Variants in HSF5 observed in about 807,000 individuals in gnomAD.
The protein encoded by HSF5 is heat shock transcription factor 5.
In HSF5, 5 loss-of-function variants were observed where a neutral mutation model predicts 50.8. The observed-to-expected ratio is 0.10, with a 90% CI of 0.05 to 0.21. The LOEUF (loss-of-function observed/expected upper bound fraction) is 0.21, where lower values mean the gene tolerates loss of function less well. Among genes scored for constraint, HSF5 ranks in the 10% least tolerant of loss-of-function variants. The pLI, the probability that HSF5 is intolerant of heterozygous loss-of-function variation, is 1.00. For synonymous variants in HSF5, 307 were observed against 307.4 expected (o/e 1.00, Z 0.02); for missense variants, 564 against 762.6 (o/e 0.74, Z 3.07).
At position 58,444,030 on chromosome 17, in the gene HSF5, G is replaced by C. The variant is rs367546151; in HGVS notation, c.1720+14738C>G. Among the ~76,000 whole-genome samples, 112 of 152,154 alleles carry C rather than the reference G, an allele frequency of 7.4e-4. No individual in the cohort carries two copies. In the South Asian group the frequency reaches 9.8e-3, roughly 13 times the overall value. On this transcript the variant is annotated intron_variant, in intron 5 of 5. Coordinates refer to ENST00000323777, the MANE Select transcript of HSF5 (RefSeq NM_001080439.3). ...AAATAGGAATAAATCTAACGAATGA[G>C]GCAAAAGACTTTTACACTGAAAATT...
At position 58,487,970 on chromosome 17, in the gene HSF5, G is replaced by A. The variant is rs775407235; in HGVS notation, c.305C>T (p.Pro102Leu). ...GTGATGGAGCGGCCCATTGCCTGCC[G>A]GTTTGCCGCCCCCCGGCCCGCCCAG... ...VVLGGPGGGK[P>L]AGNGPLHHFH... Residue 102 changes from proline (P) to leucine (L), a missense_variant, in exon 1 of 6, where the codon CCG becomes CTG. By Grantham distance (98) the Pro-to-Leu change is moderately conservative (BLOSUM62 -3). Transcript: ENST00000323777. 131 of 1,611,126 alleles carry A rather than the reference G, an allele frequency of 8.1e-5. No individual in the cohort carries two copies. In the Admixed American group the frequency reaches 1.9e-3, roughly 24 times the overall value.
rs569668055 is a variant in HSF5 at position 58,471,151 on chromosome 17, T to C, written c.926-4172A>G. On this transcript the variant is annotated intron_variant, in intron 2 of 5. Coordinates refer to ENST00000323777, the MANE Select transcript of HSF5 (RefSeq NM_001080439.3). Reference sequence around the variant, plus strand: ...TTCTGGAGATAGACAGTGGTGATGGTGAATGTACTTAATGTTGCAAAACAG... The same window carrying C: ...TTCTGGAGATAGACAGTGGTGATGGCGAATGTACTTAATGTTGCAAAACAG... Among the ~76,000 whole-genome samples, 13 of 152,262 alleles carry C rather than the reference T, an allele frequency of 8.5e-5. No individual in the cohort carries two copies. In the South Asian group the frequency reaches 2.7e-3, roughly 32 times the overall value.
At chr17:58,442,826 C>T (rs1333009793) in intron 5 of HSF5, among the ~76,000 whole-genome samples, 2 of 152,078 alleles carry the variant, frequency 1.3e-5, no homozygotes, top group African/African-American at 4.8e-5. Flanking sequence ...CAACCTCCAC[C>T]TCCCAGATTC....
rs570385469 is a variant in HSF5 at position 58,441,804 on chromosome 17, T to C, written c.1720+16964A>G. Among the ~76,000 whole-genome samples, 5 of 152,298 alleles carry C rather than the reference T, an allele frequency of 3.3e-5. No individual in the cohort carries two copies. The East Asian group carries it at 5.8e-4, about 18-fold the overall frequency. On this transcript the variant is annotated intron_variant, in intron 5 of 5. Transcript: ENST00000323777. ...TTTATCCTACTGTCAAGGCAGAAAA[T>C]CTTTGCAGTTTCCATCCAGCAGGAT...
intron 5 of HSF5, among the ~76,000 whole-genome samples, chr17:58,435,975 T>G (rs569771914): frequency 6.6e-6 from 1 of 151,950 alleles, no homozygotes; most frequent in East Asian, 1.9e-4. Context: ...GACTACTTAC[T>G]ATGTAACCCA....
chr17:58,446,656 G>A (rs1187623751), intron 5 of HSF5, among the ~76,000 whole-genome samples: 4 of 152,142 alleles, frequency 2.6e-5, no homozygotes, highest in African/African-American at 4.8e-5. Flanking sequence ...ATAAATTTCC[G>A]TGGCAGGCAG....
At chr17:58,446,472 C>T (rs897377862) in intron 5 of HSF5, among the ~76,000 whole-genome samples, 2 of 152,164 alleles carry the variant, frequency 1.3e-5, no homozygotes, top group Non-Finnish European at 2.9e-5. Flanking sequence ...CTGGTGCCAT[C>T]GCAGCAAAAT....
intron 4 of HSF5, among the ~76,000 whole-genome samples, chr17:58,462,493 G>A (rs966872984): frequency 2.6e-5 from 4 of 152,144 alleles, no homozygotes; most frequent in African/African-American, 7.2e-5. Flanking sequence ...AAACTCAAGA[G>A]ATGTTTATAA....
chr17:58,478,268 C>T (rs1377551588), intron 2 of HSF5, among the ~76,000 whole-genome samples: 1 of 101,352 alleles, frequency 9.9e-6, no homozygotes, highest in East Asian at 3.1e-4. Flanking sequence ...CCTGTCTCTA[C>T]TAAAATAAAT....
intron 5 of HSF5, among the ~76,000 whole-genome samples, chr17:58,444,799 A>G (rs936268561): frequency 3.9e-5 from 6 of 152,242 alleles, no homozygotes; most frequent in African/African-American, 1.4e-4. Context: ...AAGGCAACTC[A>G]CAGAATGGGA....
chr17:58,435,358 G>A (rs568670406), intron 5 of HSF5, among the ~76,000 whole-genome samples: 15 of 151,404 alleles, frequency 9.9e-5, no homozygotes, highest in Admixed American at 2.0e-4. Context: ...AGACCAACCT[G>A]GCCAACATGG....
intron 3 of HSF5, among the ~76,000 whole-genome samples, chr17:58,465,886 C>T (rs1016218947): frequency 6.6e-6 from 1 of 152,160 alleles, no homozygotes; most frequent in East Asian, 1.9e-4. Flanking sequence ...AAAAGTTGAG[C>T]ATCCTTAATC....
rs1295103728 is a variant in HSF5, at chr17:58,445,525, A to C, written c.1720+13243T>G. 2.0e-5 allele frequency among the ~76,000 whole-genome samples: 3 copies of C among 152,224 alleles called. No homozygotes were observed. The East Asian group carries it at 5.8e-4, about 29-fold the overall frequency. On this transcript the variant is annotated intron_variant, in intron 5 of 5. Transcript: ENST00000323777. ...TGTCTATTAAGAAATGAATAAACAA[A>C]ATGTCATATGCACGTACAAAGGAAT...
chr17:58,483,000 G>A (rs1000763483), intron 1 of HSF5, among the ~76,000 whole-genome samples: 5 of 150,968 alleles, frequency 3.3e-5, no homozygotes, highest in Admixed American at 2.0e-4. Flanking sequence ...CAATTCCGCA[G>A]GTACATACAC....
At chr17:58,464,174 A>G (rs1017061569) in intron 3 of HSF5, among the ~76,000 whole-genome samples, 1 of 152,262 alleles carries the variant, frequency 6.6e-6, no homozygotes, top group Non-Finnish European at 1.5e-5. Context: ...GATTTTCAGA[A>G]GGCCACTAAT....
At chr17:58,472,782 T>C (rs1008382333) in intron 2 of HSF5, among the ~76,000 whole-genome samples, 7 of 152,086 alleles carry the variant, frequency 4.6e-5, no homozygotes, top group South Asian at 4.1e-4. Flanking sequence ...CAGAAATGAA[T>C]TAGAGGCAGC....
chr17:58,450,703 A>T (rs1218628840), intron 5 of HSF5, among the ~76,000 whole-genome samples: 4 of 147,728 alleles, frequency 2.7e-5, no homozygotes, highest in African/African-American at 1.0e-4. Context: ...CAGTGAGCCA[A>T]GATCGCGCCA....
At chr17:58,441,465 G>A (rs540655327) in intron 5 of HSF5, among the ~76,000 whole-genome samples, 1 of 152,142 alleles carries the variant, frequency 6.6e-6, no homozygotes, top group East Asian at 1.9e-4. Flanking sequence ...ATCAGAAAAG[G>A]AAGAAGAAAG....
At chr17:58,436,181 C>T (rs1016040837) in intron 5 of HSF5, among the ~76,000 whole-genome samples, 1 of 152,034 alleles carries the variant, frequency 6.6e-6, no homozygotes, top group East Asian at 1.9e-4. Context: ...TTTTAATGAG[C>T]AGTATATTAA....
Sources: allele counts gnomAD v4.1 joint callset (sites outside exome capture counted in the v4.1 genomes callset), GRCh38; gene constraint gnomAD v4.1.1; transcripts MANE v1.5; gene names NCBI Gene and HGNC (gene_info 2026-07-23, HGNC 2026-07-21).